RAD54L2: variants seen among roughly 807,000 people sequenced by gnomAD.
RAD54L2 encodes RAD54 like 2.
Under a neutral mutation model 138.4 loss-of-function variants are expected in RAD54L2, and 27 were observed. The ratio of observed to expected loss-of-function variants is 0.20; its 90% CI spans 0.14 to 0.27. The LOEUF is 0.27. RAD54L2 is among the 10% of genes least tolerant of loss of function. The pLI is 1.00. For missense variants in RAD54L2, 1,396 were observed against 1,890.2 expected (o/e 0.74, Z 4.85); for synonymous variants, 644 against 723.2 (o/e 0.89, Z 1.76).
chr3:51,650,382 CAGA>C (rs1243659861), intron 19 of RAD54L2, among the ~76,000 whole-genome samples: 4 of 152,164 alleles, frequency 2.6e-5, no homozygotes, highest in African/African-American at 9.7e-5. Flanking sequence ...ATCAACGAGA[CAGA>C]AGGTTAGCAA....
At chr3:51,604,916 C>CTTTTTTCT (rs1189087344) in intron 3 of RAD54L2, among the ~76,000 whole-genome samples, 1 of 151,846 alleles carries the variant, frequency 6.6e-6, no homozygotes, top group Admixed American at 6.6e-5. Flanking sequence ...TTCCAGTGGT[C>CTTTTTTCT]TTTTTTCTTT....
chr3:51,582,843 G>A (rs531796906), intron 2 of RAD54L2, among the ~76,000 whole-genome samples: 9 of 151,732 alleles, frequency 5.9e-5, no homozygotes, highest in African/African-American at 2.2e-4. Flanking sequence ...TCGGCTCACT[G>A]CAAGCTCTGC....
At chr3:51,569,725 T>C (rs1469930491) in intron 2 of RAD54L2, among the ~76,000 whole-genome samples, 1 of 152,096 alleles carries the variant, frequency 6.6e-6, no homozygotes, top group Non-Finnish European at 1.5e-5. Flanking sequence ...CTGCTTTTTT[T>C]CTTATGTGAG....
chr3:51,644,643 G>A (rs554864724), intron 16 of RAD54L2, among the ~76,000 whole-genome samples: 20 of 152,338 alleles, frequency 1.3e-4, no homozygotes, highest in African/African-American at 4.8e-4. Context: ...GCTGCCTTCT[G>A]CCATCGTAAT....
intron 14 of RAD54L2, among the ~76,000 whole-genome samples, chr3:51,640,292 C>G (rs1168726884): frequency 1.3e-5 from 2 of 152,152 alleles, no homozygotes; most frequent in Non-Finnish European, 2.9e-5. Flanking sequence ...AAAAAACATA[C>G]AAAGAATATG....
At position 51,638,568 on chromosome 3, in the gene RAD54L2, A is replaced by G; in HGVS notation, c.1860+247A>G. The G allele has an allele frequency of 2.4e-6, 1 of 409,762 alleles. No homozygotes were observed. The highest frequency in any genetic ancestry group is 4.3e-6 in the Non-Finnish European group (1 of 230,984). 25.4% of individuals were successfully genotyped at this position (409,762 alleles called of 1,614,324 possible). ...CCCCTGCAGTGTGCAACTCAGCTGCACAACTTGTTATTCCAAGGGGATTAA... is the reference window on the plus strand; with the variant it reads ...CCCCTGCAGTGTGCAACTCAGCTGCGCAACTTGTTATTCCAAGGGGATTAA... On this transcript the variant is annotated intron_variant, in intron 12 of 22. Transcript: ENST00000684192. This position sits in a 1 kb window ranked among gnomAD's most constrained non-coding sequence, Gnocchi z 4.3.
At chr3:51,566,875 C>T (rs1389614733) in intron 2 of RAD54L2, among the ~76,000 whole-genome samples, 1 of 152,112 alleles carries the variant, frequency 6.6e-6, no homozygotes, top group Non-Finnish European at 1.5e-5. Context: ...TATATTTAAA[C>T]CTCAAACTGA....
intron 2 of RAD54L2, among the ~76,000 whole-genome samples, chr3:51,583,283 A>G (rs377047758): frequency 6.6e-6 from 1 of 152,176 alleles, no homozygotes; most frequent in Non-Finnish European, 1.5e-5. Context: ...ACTTAACTGT[A>G]TTGTTGAAGC....
intron 3 of RAD54L2, among the ~76,000 whole-genome samples, chr3:51,595,549 T>C (rs1699941299): frequency 6.6e-6 from 1 of 152,236 alleles, no homozygotes. Flanking sequence ...TCCTCCTTGA[T>C]ACTGACCTTT....
intron 2 of RAD54L2, among the ~76,000 whole-genome samples, chr3:51,578,618 C>T (rs1699536537): frequency 6.6e-6 from 1 of 152,202 alleles, no homozygotes; most frequent in Admixed American, 6.5e-5. Flanking sequence ...ACTCCGCTCA[C>T]TCGCTACTCT....
intron 2 of RAD54L2, among the ~76,000 whole-genome samples, chr3:51,589,755 G>A (rs1377562539): frequency 6.6e-6 from 1 of 151,782 alleles, no homozygotes; most frequent in African/African-American, 2.4e-5. Flanking sequence ...GAGAGTTGGT[G>A]CTCAGGAAAC....
At position 51,663,051 on chromosome 3, in the gene RAD54L2, C is replaced by T. The variant is rs763101560; in HGVS notation, c.4035C>T (p.Asp1345=). ...DARLVFPVTT[D]PLVPAGPVSS... ...GCCTGGTGTTTCCAGTGACTACTGA[C>T]CCTCTGGTGCCAGCAGGCCCCGTCA... The change falls in exon 23 of 23, where the codon GAC becomes GAT. Residue 1345 remains aspartate (D), a synonymous_variant. Transcript: ENST00000684192. 5 of 1,613,864 alleles carry T rather than the reference C, an allele frequency of 3.1e-6. No individual in the cohort carries two copies. In the African/African-American group the frequency reaches 4.0e-5, roughly 13 times the overall value.
rs1187449251 is a variant in RAD54L2, at chr3:51,664,176, C to G, written c.*756C>G. ...CCTTCGGGATGGGTGAAGAGAAGGC[C>G]CAGCTAACTCAAGTCCCTGGTATTC... On this transcript the variant is annotated 3_prime_UTR_variant, in exon 23 of 23. Transcript: ENST00000684192. 1.3e-5 allele frequency: 2 copies of G among 152,070 alleles called. No homozygotes were observed. The highest frequency in any genetic ancestry group is 1.3e-4 in the Admixed American group (2 of 15,270). 9.4% of individuals were successfully genotyped at this position (152,070 alleles called of 1,614,324 possible). A position where few individuals can be genotyped will look rare whatever the true frequency, so the allele number is the denominator to read the frequency against.
In RAD54L2 at chr3:51,620,407, CTTTTTTTTTTT is replaced by C. The variant is rs60585256; in HGVS notation, c.140-7132_140-7122del. Among the ~76,000 whole-genome samples the C allele has an allele frequency of 1.2e-3, 96 of 82,558 alleles. No individual in the cohort carries two copies. In the East Asian group the frequency reaches 0.029, roughly 25 times the overall value. 54.2% of individuals were successfully genotyped at this position (82,558 alleles called of 152,430 possible). ...ATCCACTGGGCCTGGTCCTACTGGTCTTTTTTTTTTTTTTTTTTTTTTTTAACTTTTAGGTT... is the reference window on the plus strand; with the variant it reads ...ATCCACTGGGCCTGGTCCTACTGGTCTTTTTTTTTTTTTAACTTTTAGGTT... On this transcript the variant is annotated intron_variant, in intron 3 of 22. Transcript: ENST00000684192.
chr3:51,571,176 T>C (rs906367931), intron 2 of RAD54L2, among the ~76,000 whole-genome samples: 17 of 152,164 alleles, frequency 1.1e-4, no homozygotes, highest in African/African-American at 3.9e-4. Context: ...CCTTTCCCTT[T>C]GATCATCATT....
rs766099856 is a variant in RAD54L2, at chr3:51,663,382, G to A, written c.4366G>A (p.Asp1456Asn). The A allele has an allele frequency of 1.9e-6, 3 of 1,613,748 alleles. No individual in the cohort carries two copies. The highest frequency in any genetic ancestry group is 2.5e-6 in the Non-Finnish European group (3 of 1,179,836). Residue 1456 changes from aspartate to asparagine, a missense_variant, in exon 23 of 23, where the codon GAT becomes AAT. Around this residue, in one of 7 missense-constraint regions of RAD54L2, gnomAD observed 634 missense variants for 711.2 expected, o/e 0.89. Coordinates refer to ENST00000684192, the MANE Select transcript of RAD54L2 (RefSeq NM_015106.4). ...TGGGTTCAGCTCCAATGATGATGAG[G>A]ATAAAGACGATGATGTGATAGAGGT... is the stretch of plus-strand genomic sequence containing the variant. Reference protein sequence around the residue: ...EVGFSSNDDEDKDDDVIEVTG... With the variant: ...EVGFSSNDDENKDDDVIEVTG...
intron 2 of RAD54L2, among the ~76,000 whole-genome samples, chr3:51,581,518 G>C (rs780985273): frequency 2.9e-4 from 44 of 152,176 alleles, no homozygotes; most frequent in Non-Finnish European, 3.7e-4. Flanking sequence ...TGACTAGATA[G>C]AATCTTTGTC....
chr3:51,579,970 T>C (rs950606352), intron 2 of RAD54L2, among the ~76,000 whole-genome samples: 2 of 152,096 alleles, frequency 1.3e-5, no homozygotes, highest in African/African-American at 4.8e-5. Flanking sequence ...CACCATGGTG[T>C]TTCCAACACT....
chr3:51,621,017 A>G (rs1367563025), intron 3 of RAD54L2, among the ~76,000 whole-genome samples: 1 of 151,214 alleles, frequency 6.6e-6, no homozygotes, highest in African/African-American at 2.4e-5. Flanking sequence ...TCAGAAGGTA[A>G]AAAAAAAACA....
Sources: allele counts gnomAD v4.1 joint callset (sites outside exome capture counted in the v4.1 genomes callset), GRCh38; gene constraint gnomAD v4.1.1; regional missense constraint gnomAD v4.1.1; non-coding constraint Gnocchi (gnomAD v3.1); transcripts MANE v1.5; gene names NCBI Gene and HGNC (gene_info 2026-07-23, HGNC 2026-07-21).